The following GLCE variants were observed in gnomAD, a reference collection of about 807,000 sequenced individuals.
The protein encoded by GLCE is glucuronic acid epimerase.
A neutral mutation model predicts 47.9 loss-of-function variants in GLCE; 19 were observed. The ratio of observed to expected loss-of-function variants is 0.40; its 90% CI spans 0.28 to 0.58. GLCE has a LOEUF of 0.58. Ranked by LOEUF, GLCE falls within the 20% of genes least tolerant of loss-of-function variation. The probability of loss-of-function intolerance (pLI) is 0.48; values close to 1 mark genes in which losing one functional copy is unlikely to be tolerated. For synonymous variants in GLCE, 245 were observed against 263.4 expected, an observed-to-expected ratio of 0.93 and a Z score of 0.68; for missense variants, 556 against 743.3, an observed-to-expected ratio of 0.75 and a Z score of 2.93.
intron 2 of GLCE, among the ~76,000 whole-genome samples, chr15:69,239,681 G>A (rs1331024756): frequency 5.3e-5 from 8 of 152,126 alleles, no homozygotes; most frequent in African/African-American, 1.9e-4. Flanking sequence ...AATAACTGCA[G>A]TAGGTTGAAA....
At chr15:69,189,005 G>T (rs1056856731) in intron 1 of GLCE, among the ~76,000 whole-genome samples, 12 of 152,076 alleles carry the variant, frequency 7.9e-5, no homozygotes, top group Non-Finnish European at 1.3e-4. Context: ...TGGTATATTT[G>T]TTACAACTGA....
At chr15:69,255,242 A>G (rs1326066763) in intron 2 of GLCE, among the ~76,000 whole-genome samples, 1 of 152,230 alleles carries the variant, frequency 6.6e-6, no homozygotes, top group East Asian at 1.9e-4. Context: ...GGCCCTAACT[A>G]TTTAATAAAT....
chr15:69,167,919 A>G (rs1004485661), intron 1 of GLCE, among the ~76,000 whole-genome samples: 3 of 151,240 alleles, frequency 2.0e-5, no homozygotes, highest in South Asian at 2.1e-4. Flanking sequence ...GGTCTTTAAC[A>G]TGTTCTTTCA....
chr15:69,261,087 G>T lies in GLCE; in HGVS notation c.587G>T (p.Gly196Val). The T allele has an allele frequency of 6.2e-7, 1 of 1,610,858 alleles. No homozygotes were observed. The highest frequency in any genetic ancestry group is 8.5e-7 in the Non-Finnish European group (1 of 1,177,526). Residue 196 changes from glycine (G) to valine (V), a missense_variant and splice_region_variant, in exon 4 of 5, where the codon GGT becomes GTT. Coordinates refer to ENST00000261858, the MANE Select transcript of GLCE (RefSeq NM_015554.3). Reference sequence around the variant, plus strand: ...TTCATTTTGTTTCTCTATTTTATAGGTGTGCCATTATCTACACAATGGGGA... The same window carrying T: ...TTCATTTTGTTTCTCTATTTTATAGTTGTGCCATTATCTACACAATGGGGA... ...DRVKCISGVE[G>V]VPLSTQWGPQ...
Position 69,268,638 on chromosome 15 carries a change from G to A in GLCE, c.1248G>A (p.Gln416=), listed in dbSNP as rs2053120516. The stretch of plus-strand genomic sequence containing the variant: ...CTAGTGATTGGCTAGTAAGGAACCA[G>A]GATGAGAAAGGTGGCTGGCCAATTA... ...FAASDWLVRN[Q]DEKGGWPIMV... is the part of the protein sequence containing the mutation. The change falls in exon 5 of 5, where the codon CAG becomes CAA. Residue 416 remains glutamine, a synonymous_variant. Coordinates refer to ENST00000261858, the MANE Select transcript of GLCE (RefSeq NM_015554.3). 1.9e-6 allele frequency: 3 copies of A among 1,614,100 alleles called. No individual in the cohort carries two copies. In the South Asian group the frequency reaches 3.3e-5, roughly 18 times the overall value.
At chr15:69,161,869 A>T (rs2051428465) in intron 1 of GLCE, among the ~76,000 whole-genome samples, 1 of 151,304 alleles carries the variant, frequency 6.6e-6, no homozygotes. Flanking sequence ...TTGAGCGTGG[A>T]TACAGCTCCT....
chr15:69,195,361 C>T (rs959302291), intron 1 of GLCE, among the ~76,000 whole-genome samples: 3 of 151,316 alleles, frequency 2.0e-5, no homozygotes, highest in African/African-American at 4.9e-5. Flanking sequence ...TAAAAAAATA[C>T]GTATATTGGA....
intron 1 of GLCE, among the ~76,000 whole-genome samples, chr15:69,185,824 C>T (rs1248888727): frequency 1.5e-4 from 23 of 151,982 alleles, no homozygotes; most frequent in Admixed American, 1.4e-3. Flanking sequence ...CCTTAAGATA[C>T]CAGTCACAAG....
At chr15:69,175,243 A>G (rs1414700061) in intron 1 of GLCE, among the ~76,000 whole-genome samples, 1 of 152,190 alleles carries the variant, frequency 6.6e-6, no homozygotes, top group Non-Finnish European at 1.5e-5. Context: ...GAAAAATAAG[A>G]AAAAGATTTT....
intron 1 of GLCE, among the ~76,000 whole-genome samples, chr15:69,174,336 G>C (rs2051629089): frequency 6.6e-6 from 1 of 151,998 alleles, no homozygotes; most frequent in Admixed American, 6.6e-5. Flanking sequence ...GTCAAAAACT[G>C]AAACCACTCA....
rs903569986 is a variant in GLCE at position 69,268,704 on chromosome 15, G to A, written c.1314G>A (p.Glu438=). ...RKLGEGFKSL[E]PGWYSAMAQG... is the part of the protein sequence containing the mutation. ...TAGGGGAAGGGTTCAAGTCTTTAGA[G>A]CCAGGATGGTATTCTGCCATGGCCC... Residue 438 remains glutamate (E), a synonymous_variant, in exon 5 of 5, where the codon GAG becomes GAA. Transcript: ENST00000261858. 2 of 1,614,100 alleles carry A rather than the reference G, an allele frequency of 1.2e-6. No homozygotes were observed. Among genetic ancestry groups the A allele is most frequent in the African/African-American group, 2.7e-5 (2 of 74,938 alleles).
At chr15:69,219,519 A>G (rs981249278) in intron 2 of GLCE, among the ~76,000 whole-genome samples, 1 of 152,170 alleles carries the variant, frequency 6.6e-6, no homozygotes, top group African/African-American at 2.4e-5. Flanking sequence ...GAAAGCTGCA[A>G]TGGAAAGCAA....
intron 2 of GLCE, among the ~76,000 whole-genome samples, chr15:69,245,733 C>A (rs2052737146): frequency 6.6e-6 from 1 of 151,776 alleles, no homozygotes; most frequent in South Asian, 2.1e-4. Context: ...TTTTTCTTTT[C>A]TTTTTTGTTT....
At chr15:69,216,902 G>A (rs1178903397) in intron 2 of GLCE, among the ~76,000 whole-genome samples, 1 of 151,942 alleles carries the variant, frequency 6.6e-6, no homozygotes, top group Non-Finnish European at 1.5e-5. Flanking sequence ...ATTTCAGTAG[G>A]AGAAAGCCAA....
At chr15:69,227,550 T>C (rs1426596023) in intron 2 of GLCE, among the ~76,000 whole-genome samples, 1 of 152,204 alleles carries the variant, frequency 6.6e-6, no homozygotes, top group African/African-American at 2.4e-5. Context: ...TAGATAATCT[T>C]TTTTGAGTGA....
intron 2 of GLCE, among the ~76,000 whole-genome samples, chr15:69,246,493 G>A (rs569199012): frequency 1.3e-5 from 2 of 152,186 alleles, no homozygotes; most frequent in Non-Finnish European, 2.9e-5. Context: ...TGAGGTGGGT[G>A]GATCACGAGT....
intron 1 of GLCE, among the ~76,000 whole-genome samples, chr15:69,191,115 C>A (rs1360058492): frequency 6.6e-6 from 1 of 152,096 alleles, no homozygotes; most frequent in East Asian, 1.9e-4. Flanking sequence ...TAAGAAATAT[C>A]TTTTATAGTT....
intron 4 of GLCE, among the ~76,000 whole-genome samples, chr15:69,267,100 G>C (rs1326429706): frequency 6.6e-6 from 1 of 152,084 alleles, no homozygotes; most frequent in East Asian, 1.9e-4. Flanking sequence ...TCAGTTTCTT[G>C]GTAGATCTAG....
intron 1 of GLCE, among the ~76,000 whole-genome samples, chr15:69,206,430 G>T (rs2052153385): frequency 6.6e-6 from 1 of 151,994 alleles, no homozygotes; most frequent in African/African-American, 2.4e-5. Flanking sequence ...AATCAAAAGG[G>T]TGGGAGATTG....
Sources: gnomAD v4.1 joint callset for allele counts (sites outside exome capture counted in the v4.1 genomes callset) on GRCh38, gnomAD v4.1.1 for gene constraint, MANE v1.5 for transcripts, NCBI Gene and HGNC (gene_info 2026-07-23, HGNC 2026-07-21) for gene names.